Variants in DRD2 observed in about 807,000 individuals in gnomAD.
DRD2 encodes dopamine receptor D2.
Under a neutral mutation model 38.0 loss-of-function variants are expected in DRD2, and 8 were observed. That is an observed-to-expected ratio of 0.21 (90% CI 0.12 to 0.38). The LOEUF (loss-of-function observed/expected upper bound fraction) is 0.38, where lower values mean the gene tolerates loss of function less well. DRD2 is among the 10% of genes least tolerant of loss of function. DRD2 has a pLI of 1.00. For synonymous variants in DRD2, 230 were observed against 238.6 expected, an observed-to-expected ratio of 0.96 and a Z score of 0.33; for missense variants, 403 against 607.7, an observed-to-expected ratio of 0.66 and a Z score of 3.54.
At chr11:113,458,043 A>T (rs1181271833) in intron 1 of DRD2, among the ~76,000 whole-genome samples, 1 of 152,230 alleles carries the variant, frequency 6.6e-6, no homozygotes, top group East Asian at 1.9e-4. Context: ...AAGGAATTCA[A>T]AGGACAGAAC....
rs761794375 is a variant in DRD2 at position 113,416,871 on chromosome 11, T to C, written c.524A>G (p.Asn175Ser). 1 of 1,613,984 alleles carries C rather than the reference T, an allele frequency of 6.2e-7. No individual in the cohort carries two copies. The highest frequency in any genetic ancestry group is 1.1e-5 in the South Asian group (1 of 90,998). ...ACAAAAGCAGAATGTACCTGCGTTA[T>C]TGAGTCCGAAGAGGAGTGGGCAGGA... ...TISCPLLFGL[N>S]NADQNECIIA... is the part of the protein sequence containing the mutation. Residue 175 changes from asparagine to serine, a missense_variant, in exon 4 of 8, where the codon AAT (asparagine) becomes AGT (serine). Physicochemically the swap from Asn to Ser is conservative, Grantham distance 46 (BLOSUM62 1). Coordinates refer to ENST00000362072, the MANE Select transcript of DRD2 (RefSeq NM_000795.4).
At chr11:113,433,957 C>G (rs1951013502) in intron 1 of DRD2, among the ~76,000 whole-genome samples, 1 of 152,230 alleles carries the variant, frequency 6.6e-6, no homozygotes, top group African/African-American at 2.4e-5. Context: ...CAGGCAGCCA[C>G]ATGCACCCTC....
intron 1 of DRD2, among the ~76,000 whole-genome samples, chr11:113,454,972 A>G (rs1197660174): frequency 6.6e-6 from 1 of 152,192 alleles, no homozygotes; most frequent in East Asian, 1.9e-4. Context: ...CCCTTTATAA[A>G]AGAATCAACT....
At chr11:113,445,256 C>T (rs1339779416) in intron 1 of DRD2, among the ~76,000 whole-genome samples, 1 of 152,160 alleles carries the variant, frequency 6.6e-6, no homozygotes, top group Admixed American at 6.5e-5. Flanking sequence ...GAAAAACTGG[C>T]AAAATGCAAA....
chr11:113,410,987 C>A, intron 7 of DRD2, 67 bp from the exon 8 acceptor site: 1 of 1,537,084 alleles, frequency 6.5e-7, no homozygotes, highest in Non-Finnish European at 8.9e-7. Context: ...ACACCCACAC[C>A]CAGTGCGCCC....
intron 1 of DRD2, among the ~76,000 whole-genome samples, chr11:113,452,469 T>TGTGTGTGTGCGCGC (rs1210531875): frequency 5.9e-5 from 7 of 118,780 alleles, no homozygotes; most frequent in African/African-American, 2.5e-4. Context: ...TGTGTGTGTG[T>TGTGTGTGTGCGCGC]GCGCGCGCGC....
intron 6 of DRD2, 64 bp downstream of exon 6, chr11:113,414,311 A>G (rs1318335538): frequency 1.3e-6 from 2 of 1,493,252 alleles, no homozygotes; most frequent in East Asian, 2.3e-5. Context: ...TCTCAGAACC[A>G]TGGCCAGTGG....
intron 1 of DRD2, among the ~76,000 whole-genome samples, chr11:113,457,362 A>G (rs1267302230): frequency 6.6e-6 from 1 of 152,200 alleles, no homozygotes; most frequent in Non-Finnish European, 1.5e-5. Context: ...GATCTCAGCA[A>G]TACAAAGCGA....
At chr11:113,439,812 C>A (rs1436867838) in intron 1 of DRD2, among the ~76,000 whole-genome samples, 3 of 118,744 alleles carry the variant, frequency 2.5e-5, no homozygotes, top group Non-Finnish European at 4.8e-5. Context: ...GCACTCCAGC[C>A]TGGGTGACAG....
intron 2 of DRD2, among the ~76,000 whole-genome samples, chr11:113,422,336 A>G (rs1350586850): frequency 6.6e-6 from 1 of 152,188 alleles, no homozygotes; most frequent in Non-Finnish European, 1.5e-5. Context: ...ATCACTTTTC[A>G]TACATCAACT....
intron 1 of DRD2, 68 bp downstream of exon 1, chr11:113,475,008 C>T (rs1165720022): frequency 1.3e-5 from 2 of 152,528 alleles, no homozygotes; most frequent in Admixed American, 1.3e-4. Context: ...GCCTCGCTCC[C>T]CTTGGAGGTC....
intron 1 of DRD2, among the ~76,000 whole-genome samples, chr11:113,436,038 G>A (rs893103679): frequency 2.6e-5 from 4 of 152,144 alleles, no homozygotes; most frequent in East Asian, 1.9e-4. Context: ...GGAAACCTCC[G>A]GAAGCCCTTG....
chr11:113,472,126 T>A (rs947856168), intron 1 of DRD2, among the ~76,000 whole-genome samples: 6 of 152,248 alleles, frequency 3.9e-5, no homozygotes, highest in Admixed American at 1.3e-4. Flanking sequence ...TCTCATCATA[T>A]CTGTCTCTCC....
intron 5 of DRD2, chr11:113,415,159 G>A (rs956224148): frequency 2.8e-5 from 11 of 396,890 alleles, no homozygotes; most frequent in East Asian, 1.1e-4. Flanking sequence ...AAGAGTTGCC[G>A]CCTTCAGTCA....
chr11:113,413,306 G>A (rs1337765193), intron 6 of DRD2: 1 of 539,324 alleles, frequency 1.9e-6, no homozygotes, highest in South Asian at 1.4e-5. Context: ...TGTCAAACAA[G>A]GGGCCCAGTG....
chr11:113,458,881 C>T (rs954219784), intron 1 of DRD2, among the ~76,000 whole-genome samples: 8 of 152,096 alleles, frequency 5.3e-5, no homozygotes, highest in Admixed American at 3.9e-4. Context: ...AGGTCATTAT[C>T]GACCTCACAT....
intron 1 of DRD2, among the ~76,000 whole-genome samples, chr11:113,441,516 T>C (rs529089693): frequency 2.2e-4 from 33 of 152,346 alleles, no homozygotes; most frequent in African/African-American, 7.5e-4. Flanking sequence ...TACAGATATC[T>C]AGCTTCTTTT....
intron 2 of DRD2, 123 bp from the exon 3 acceptor site, chr11:113,418,259 C>T (rs942255389): frequency 3.8e-6 from 3 of 791,136 alleles, no homozygotes; most frequent in Non-Finnish European, 2.2e-6. Flanking sequence ...GTCTTGTGGG[C>T]ATCCAGCTGG....
chr11:113,413,983 A>G (rs1950796541), intron 6 of DRD2: 1 of 335,070 alleles, frequency 3.0e-6, no homozygotes, highest in Non-Finnish European at 5.9e-6. Context: ...GAGACGGGTG[A>G]GTTGCCTAAT....
Sources: gnomAD v4.1 joint callset for allele counts (sites outside exome capture counted in the v4.1 genomes callset) on GRCh38, gnomAD v4.1.1 for gene constraint, MANE v1.5 for transcripts, NCBI Gene and HGNC (gene_info 2026-07-23, HGNC 2026-07-21) for gene names.